UNC13C: variants seen among roughly 807,000 people sequenced by gnomAD.
UNC13C encodes the protein unc-13 homolog C.
UNC13C carries 174 observed loss-of-function variants against 245.4 expected under a neutral mutation model. The ratio of observed to expected loss-of-function variants is 0.71; its 90% confidence interval spans 0.63 to 0.80. The LOEUF is 0.80. Among genes scored for constraint, UNC13C ranks in the 30% least tolerant of loss-of-function variants. The pLI, the probability that UNC13C is intolerant of heterozygous loss-of-function variation, is 0.00. For missense variants in UNC13C, 2,829 were observed against 2,602.9 expected (o/e 1.09, Z -1.89); for synonymous variants, 992 against 895.1 (o/e 1.11, Z -1.93).
intron 4 of UNC13C, among the ~76,000 whole-genome samples, chr15:54,171,911 G>A (rs2033412187): frequency 6.6e-6 from 1 of 152,052 alleles, no homozygotes; most frequent in Non-Finnish European, 1.5e-5. Context: ...ACATAGTGGA[G>A]TATTATTGAG....
At chr15:53,863,887 A>G in the UNC13C span, among the ~76,000 whole-genome samples, 90,490 of 151,902 alleles carry the variant, frequency 0.6, 27,083 homozygotes, top group East Asian at 0.68. Flanking sequence ...CCCTTGATGA[A>G]CACTCATTCA....
chr15:54,239,879 T>G (rs527732562), intron 7 of UNC13C, among the ~76,000 whole-genome samples: 1 of 152,234 alleles, frequency 6.6e-6, no homozygotes, highest in South Asian at 2.1e-4. Context: ...TCTCAAAGCA[T>G]CTAGTCTTCT....
At chr15:54,394,303 G>A (rs2040025251) in intron 18 of UNC13C, among the ~76,000 whole-genome samples, 1 of 151,732 alleles carries the variant, frequency 6.6e-6, no homozygotes, top group Admixed American at 6.6e-5. Context: ...ATAATATCAA[G>A]TTTGCCCTTT....
intron 2 of UNC13C, among the ~76,000 whole-genome samples, chr15:54,056,661 G>C (rs989039413): frequency 6.6e-6 from 1 of 152,132 alleles, no homozygotes; most frequent in Non-Finnish European, 1.5e-5. Flanking sequence ...ATAATTGTCA[G>C]ATTCACCAAA....
chr15:53,914,726 G>A, the UNC13C span: 36,473 of 151,976 alleles, frequency 0.24, 4,768 homozygotes, highest in Non-Finnish European at 0.3. Flanking sequence ...ACGGCCCCCC[G>A]AGTGTTCTTT....
chr15:54,526,712 C>G (rs1008356395), intron 25 of UNC13C, among the ~76,000 whole-genome samples: 8 of 145,728 alleles, frequency 5.5e-5, no homozygotes, highest in African/African-American at 2.1e-4. Flanking sequence ...CCACTGCACT[C>G]CAGCCTGGGC....
intron 8 of UNC13C, among the ~76,000 whole-genome samples, chr15:54,258,690 T>G (rs2036344627): frequency 6.6e-6 from 1 of 152,102 alleles, no homozygotes; most frequent in African/African-American, 2.4e-5. Flanking sequence ...AATAAATACC[T>G]ATATCTTCAC....
intron 4 of UNC13C, among the ~76,000 whole-genome samples, chr15:54,203,839 T>TACATATAC (rs1287559062): frequency 1.1e-4 from 16 of 149,716 alleles, no homozygotes; most frequent in Admixed American, 8.7e-4. Context: ...TATATACACA[T>TACATATAC]ACATATACAC....
intron 26 of UNC13C, among the ~76,000 whole-genome samples, chr15:54,534,663 G>T (rs1379279220): frequency 6.6e-6 from 1 of 152,096 alleles, no homozygotes; most frequent in Non-Finnish European, 1.5e-5. Flanking sequence ...AAAGTCAAAA[G>T]CCAATCCAAG....
At chr15:54,479,918 C>A (rs73421510) in intron 19 of UNC13C, among the ~76,000 whole-genome samples, 15,647 of 151,956 alleles carry the variant, frequency 0.1, 1,159 homozygotes, top group African/African-American at 0.21. Flanking sequence ...AGTAGCTTTG[C>A]TGGGTATAGT....
intron 4 of UNC13C, among the ~76,000 whole-genome samples, chr15:54,154,686 T>C (rs1567054171): frequency 6.6e-6 from 1 of 152,248 alleles, no homozygotes; most frequent in Non-Finnish European, 1.5e-5. Context: ...TCTTCATAGT[T>C]GTTCAGGGAA....
At chr15:54,483,978 T>G (rs1293073804) in intron 19 of UNC13C, among the ~76,000 whole-genome samples, 3 of 151,896 alleles carry the variant, frequency 2.0e-5, no homozygotes, top group Non-Finnish European at 4.4e-5. Flanking sequence ...ACTCACACAC[T>G]TCCTGGCTAG....
At position 54,626,948 on chromosome 15, in the gene UNC13C, A is replaced by C. The variant is rs374813230; in HGVS notation, c.6480A>C (p.Ala2160=). The C allele has an allele frequency of 1.2e-6, 2 of 1,613,544 alleles. No individual in the cohort carries two copies. The highest frequency in any genetic ancestry group is 1.7e-6 in the Non-Finnish European group (2 of 1,179,636). ...CAGTCATTCAGCTACAGAACATAGC[A>C]GAAAAGGGAAGCTATGGGGCATGGT... ...GMTVIQLQNI[A]EKGSYGAWYP... is the part of the protein sequence containing the mutation. The change falls in exon 33 of 33, where the codon GCA becomes GCC. Residue 2160 remains alanine, a synonymous_variant. Coordinates refer to ENST00000260323, the MANE Select transcript of UNC13C (RefSeq NM_001080534.3).
At chr15:54,109,267 T>TCCC (rs1900626645) in intron 2 of UNC13C, among the ~76,000 whole-genome samples, 1 of 116,012 alleles carries the variant, frequency 8.6e-6, no homozygotes, top group Non-Finnish European at 1.8e-5. Context: ...TTCCTTTCCC[T>TCCC]CTCCTCCCCT....
At chr15:54,057,729 A>C (rs1385393804) in intron 2 of UNC13C, among the ~76,000 whole-genome samples, 2 of 152,214 alleles carry the variant, frequency 1.3e-5, no homozygotes, top group Admixed American at 6.5e-5. Context: ...CTCCTCAGAA[A>C]ATGTAAAAGA....
chr15:54,067,235 A>C (rs929856472), intron 2 of UNC13C, among the ~76,000 whole-genome samples: 3 of 152,156 alleles, frequency 2.0e-5, no homozygotes, highest in African/African-American at 4.8e-5. Flanking sequence ...CGTCACATAA[A>C]CATCATCAAA....
intron 2 of UNC13C, among the ~76,000 whole-genome samples, chr15:54,053,497 G>A (rs1897361989): frequency 6.6e-6 from 1 of 151,962 alleles, no homozygotes; most frequent in African/African-American, 2.4e-5. Flanking sequence ...TTAATTTATG[G>A]TTTTTATTGG....
chr15:54,039,660 C>T (rs1158747187), intron 2 of UNC13C, among the ~76,000 whole-genome samples: 1 of 151,732 alleles, frequency 6.6e-6, no homozygotes, highest in African/African-American at 2.4e-5. Flanking sequence ...CCCATTTGGT[C>T]CCATAACTTT....
intron 4 of UNC13C, among the ~76,000 whole-genome samples, chr15:54,160,950 C>T (rs1027621043): frequency 5.3e-5 from 8 of 152,040 alleles, no homozygotes; most frequent in African/African-American, 1.9e-4. Flanking sequence ...CTTTAATTTG[C>T]ACATTTCTTT....
Sources: allele counts gnomAD v4.1 joint callset (sites outside exome capture counted in the v4.1 genomes callset), GRCh38; gene constraint gnomAD v4.1.1; transcripts MANE v1.5; gene names NCBI Gene and HGNC (gene_info 2026-07-23, HGNC 2026-07-21).